The following WDR72 variants were observed in gnomAD, a reference collection of about 807,000 sequenced individuals.
WDR72 encodes WD repeat domain 72.
Under a neutral mutation model 124.2 loss-of-function variants are expected in WDR72, and 120 were observed. The observed-to-expected ratio is 0.97, with a 90% CI of 0.83 to 1.12. The LOEUF (loss-of-function observed/expected upper bound fraction) is 1.12, where lower values mean the gene tolerates loss of function less well. Among genes scored for constraint, WDR72 ranks in the 50% most tolerant of loss-of-function variants. WDR72 has a pLI of 0.00. For missense variants in WDR72, 1,387 were observed against 1,278.8 expected, an observed-to-expected ratio of 1.08 and a Z score of -1.29; for synonymous variants, 452 against 441.7, an observed-to-expected ratio of 1.02 and a Z score of -0.29.
chr15:53,569,512 A>G (rs1260659986), intron 18 of WDR72, among the ~76,000 whole-genome samples: 1 of 152,112 alleles, frequency 6.6e-6, no homozygotes, highest in Non-Finnish European at 1.5e-5. Context: ...TGAAACCATC[A>G]TAGAATGGCT....
chr15:53,597,136 G>C lies in WDR72; in HGVS notation c.3091C>G (p.Leu1031Val), dbSNP rs2012817541. Residue 1031 changes from leucine to valine, a missense_variant, in exon 18 of 20, where the codon CTG (leucine) becomes GTG (valine). Physicochemically the swap from Leu to Val is conservative, Grantham distance 32 (BLOSUM62 1). Transcript: ENST00000360509. ...AACTCTAGTTCTTCTGTCCATTCCAGCTTTGGCAGCATCTGCTTCATCTCA... is the reference window on the plus strand; with the variant it reads ...AACTCTAGTTCTTCTGTCCATTCCACCTTTGGCAGCATCTGCTTCATCTCA... ...NCEMKQMLPK[L>V]EWTEELELQC... The C allele has an allele frequency of 6.2e-7, 1 of 1,613,708 alleles. No individual in the cohort carries two copies. Among genetic ancestry groups the C allele is most frequent in the African/African-American group, 1.3e-5 (1 of 74,888 alleles).
intron 18 of WDR72, among the ~76,000 whole-genome samples, chr15:53,584,405 T>C (rs2012092454): frequency 6.6e-6 from 1 of 151,832 alleles, no homozygotes; most frequent in Admixed American, 6.6e-5. Flanking sequence ...AAGCTTTCCC[T>C]CCCCTATGTA....
intron 17 of WDR72, among the ~76,000 whole-genome samples, chr15:53,602,194 C>A (rs558598936): frequency 6.6e-6 from 1 of 152,240 alleles, no homozygotes; most frequent in East Asian, 1.9e-4. Context: ...TCACTCAAAA[C>A]CATACAATTA....
intron 14 of WDR72, among the ~76,000 whole-genome samples, chr15:53,635,693 G>C (rs530779125): frequency 1.3e-5 from 2 of 152,210 alleles, no homozygotes; most frequent in Non-Finnish European, 2.9e-5. Context: ...CTACTGGGGG[G>C]GATGGAGGGA....
rs116966216 is a variant in WDR72, at chr15:53,697,658, A to G, written c.1765+2092T>C. Among the ~76,000 whole-genome samples the G allele has an allele frequency of 9.0e-3, 1,364 of 152,234 alleles. 11 individuals carry two copies. The highest frequency in any genetic ancestry group is 0.012 in the Non-Finnish European group (817 of 68,020). On this transcript the variant is annotated intron_variant, in intron 13 of 19. Transcript: ENST00000360509. Reference sequence around the variant, plus strand: ...CCTCTATAAATAGTCCTTTCATTCAAGTTTCTTCATTTGACCCATCTGGGT... The same window carrying G: ...CCTCTATAAATAGTCCTTTCATTCAGGTTTCTTCATTTGACCCATCTGGGT...
Position 53,576,432 on chromosome 15 carries a change from G to T in WDR72, c.3148+20647C>A, listed in dbSNP as rs755501928. Among the ~76,000 whole-genome samples the T allele has an allele frequency of 3.4e-4, 52 of 152,098 alleles. 1 individual carries two copies. The highest frequency in any genetic ancestry group is 5.9e-4 in the Non-Finnish European group (40 of 68,024). Reference sequence around the variant, plus strand: ...CCAGTTCCTCCAAAACTCTCCATAAGCAGGTGTGTCCAGGACAGCCACTCC... The same window carrying T: ...CCAGTTCCTCCAAAACTCTCCATAATCAGGTGTGTCCAGGACAGCCACTCC... On this transcript the variant is annotated intron_variant, in intron 18 of 19. Coordinates refer to ENST00000360509, the MANE Select transcript of WDR72 (RefSeq NM_182758.4).
chr15:53,630,753 A>C (rs2014394048), intron 14 of WDR72, among the ~76,000 whole-genome samples: 1 of 152,208 alleles, frequency 6.6e-6, no homozygotes, highest in Non-Finnish European at 1.5e-5. Context: ...ACCTAACATA[A>C]TACTTATGGT....
chr15:53,709,545 G>C (rs182029684), intron 9 of WDR72, among the ~76,000 whole-genome samples: 2 of 152,254 alleles, frequency 1.3e-5, no homozygotes, highest in East Asian at 3.9e-4. Flanking sequence ...TTGGCTTTCA[G>C]GGCAAACTGT....
intron 14 of WDR72, among the ~76,000 whole-genome samples, chr15:53,638,294 G>T (rs145050181): frequency 5.3e-4 from 81 of 152,264 alleles, no homozygotes; most frequent in Admixed American, 1.2e-3. Flanking sequence ...CTCCATCACT[G>T]CCAGATATTC....
chr15:53,522,548 G>A (rs1369705961), intron 19 of WDR72, among the ~76,000 whole-genome samples: 2 of 151,972 alleles, frequency 1.3e-5, no homozygotes, highest in Non-Finnish European at 2.9e-5. Context: ...GTTAAGGCTA[G>A]GCGTGTTTCA....
intron 18 of WDR72, among the ~76,000 whole-genome samples, chr15:53,543,347 A>C (rs545091916): frequency 1.3e-5 from 2 of 152,108 alleles, no homozygotes; most frequent in Admixed American, 1.3e-4. Context: ...ATCTCACTCA[A>C]AACCGCTCAA....
At chr15:53,754,616 C>A (rs1353336484) in intron 1 of WDR72, among the ~76,000 whole-genome samples, 1 of 152,020 alleles carries the variant, frequency 6.6e-6, no homozygotes, top group East Asian at 1.9e-4. Context: ...TGTATAAGAG[C>A]CTGAGAGGCC....
chr15:53,599,315 C>T (rs1423885637), intron 17 of WDR72, among the ~76,000 whole-genome samples: 1 of 151,920 alleles, frequency 6.6e-6, no homozygotes, highest in African/African-American at 2.4e-5. Context: ...ATTTGTCATA[C>T]ATGTTATTTG....
chr15:53,710,846 T>C lies in WDR72; in HGVS notation c.954+11A>G, dbSNP rs1046401459. On this transcript the variant is annotated intron_variant, in intron 9 of 19. Coordinates refer to ENST00000360509, the MANE Select transcript of WDR72 (RefSeq NM_182758.4). ...AACAGCTTTGAGGCAGTCACTCTTT[T>C]CTTGCATTACCTTATTTTCCTGCAC... 1.9e-6 allele frequency: 3 copies of C among 1,601,068 alleles called. No homozygotes were observed. The highest frequency in any genetic ancestry group is 2.6e-6 in the Non-Finnish European group (3 of 1,168,148).
At chr15:53,669,257 T>C (rs974909897) in intron 13 of WDR72, among the ~76,000 whole-genome samples, 1 of 152,060 alleles carries the variant, frequency 6.6e-6, no homozygotes, top group Non-Finnish European at 1.5e-5. Flanking sequence ...ATGGACAGCT[T>C]TCTCTGGCAC....
intron 3 of WDR72, 126 bp from the exon 4 acceptor site, chr15:53,716,811 G>A: frequency 1.4e-6 from 1 of 727,028 alleles, no homozygotes; most frequent in Non-Finnish European, 2.5e-6. Flanking sequence ...CAGATTTTGG[G>A]CAAGAAAATG....
chr15:53,685,078 G>A (rs1030786290), intron 13 of WDR72, among the ~76,000 whole-genome samples: 79 of 151,864 alleles, frequency 5.2e-4, no homozygotes, highest in Admixed American at 2.2e-3. Flanking sequence ...CATCATCAAA[G>A]ACCAAAAGTA....
At chr15:53,741,691 CT>C (rs2018513273) in intron 1 of WDR72, among the ~76,000 whole-genome samples, 1 of 152,032 alleles carries the variant, frequency 6.6e-6, no homozygotes, top group African/African-American at 2.4e-5. Context: ...TAATCCCCCC[CT>C]CACTTATAAG....
chr15:53,607,390 T>C lies in WDR72; in HGVS notation c.2952+2123A>G, dbSNP rs147380184. 8.5e-5 allele frequency among the ~76,000 whole-genome samples: 13 copies of C among 152,268 alleles called. No individual in the cohort carries two copies. In the East Asian group the frequency reaches 2.3e-3, roughly 27 times the overall value. ...AATCCATACACCTACTGTGAACTCA[T>C]TTTCGACAAAAGTGCCAAGAACATA... On this transcript the variant is annotated intron_variant, in intron 17 of 19. Coordinates refer to ENST00000360509, the MANE Select transcript of WDR72 (RefSeq NM_182758.4).
Sources: allele counts gnomAD v4.1 joint callset (sites outside exome capture counted in the v4.1 genomes callset), GRCh38; gene constraint gnomAD v4.1.1; transcripts MANE v1.5; gene names NCBI Gene and HGNC (gene_info 2026-07-23, HGNC 2026-07-21).